The following BRWD3 variants were observed in gnomAD, a reference collection of about 807,000 sequenced individuals.
BRWD3 encodes bromodomain and WD repeat-containing protein 3.
Under a neutral mutation model 149.7 loss-of-function variants are expected in BRWD3, and 10 were observed. The ratio of observed to expected loss-of-function variants is 0.07; its 90% CI spans 0.04 to 0.11. The LOEUF (loss-of-function observed/expected upper bound fraction) is 0.11, where lower values mean the gene tolerates loss of function less well. Ranked by LOEUF, BRWD3 falls within the 10% of genes least tolerant of loss-of-function variation. The pLI, the probability that BRWD3 is intolerant of heterozygous loss-of-function variation, is 1.00. For synonymous variants in BRWD3, 504 were observed against 456.7 expected (o/e 1.10, Z -1.32); for missense variants, 940 against 1,373.2 (o/e 0.68, Z 4.99).
chrX:80,724,782 C>A, intron 15 of BRWD3, 151 bp downstream of exon 15: 1 of 671,460 alleles, frequency 1.5e-6, no homozygotes, highest in Non-Finnish European at 2.2e-6. Context: ...TGGCCTTATT[C>A]TCAATTCTTG....
intron 4 of BRWD3, 40 bp from the exon 5 acceptor site, chrX:80,793,812 T>C (rs2074208276): frequency 8.8e-7 from 1 of 1,135,092 alleles, no homozygotes; most frequent in Non-Finnish European, 1.2e-6. Flanking sequence ...AACACATTTA[T>C]TTGGTTTAAA....
Position 80,809,490 on chromosome X carries a change from T to G in BRWD3, c.-19A>C, listed in dbSNP as rs1408525885. The G allele has an allele frequency of 1.1e-6, 1 of 884,480 alleles. No individual in the cohort carries two copies. Among genetic ancestry groups the G allele is most frequent in the Non-Finnish European group, 1.5e-6 (1 of 665,639 alleles). The allele number at this position is 884,480 out of a possible 1,213,427, so 72.9% of individuals were successfully genotyped here. A position where few individuals can be genotyped will look rare whatever the true frequency, so the allele number is the denominator to read the frequency against. ...CCGCCATCCTTTTCCCGAGGGGGTT[T>G]GGGGGCTTCGCTCCGGAGGGGCTGG... On this transcript the variant is annotated 5_prime_UTR_variant, in exon 1 of 41. Coordinates refer to ENST00000373275, the MANE Select transcript of BRWD3 (RefSeq NM_153252.5).
At chrX:80,731,797 A>G (rs1356667271) in intron 12 of BRWD3, among the ~76,000 whole-genome samples, 1 of 102,521 alleles carries the variant, frequency 9.8e-6, no homozygotes, top group Non-Finnish European at 2.0e-5. Context: ...TGGGAGGCTG[A>G]GGCAGGAGAA....
intron 17 of BRWD3, among the ~76,000 whole-genome samples, chrX:80,721,907 C>G (rs772714389): frequency 8.9e-6 from 1 of 111,754 alleles, no homozygotes. Context: ...AGTGCAGTGG[C>G]GCAATCTTGG....
intron 6 of BRWD3, among the ~76,000 whole-genome samples, chrX:80,753,339 G>A (rs149847496): frequency 0.024 from 2,498 of 104,834 alleles, 63 homozygotes; most frequent in African/African-American, 0.084. Flanking sequence ...GTGTGATCTC[G>A]GCTCACTGCA....
chrX:80,726,920 T>C (rs2073258699), intron 14 of BRWD3, among the ~76,000 whole-genome samples: 1 of 110,621 alleles, frequency 9.0e-6, no homozygotes, highest in Non-Finnish European at 1.9e-5. Flanking sequence ...CTGAGGTTCC[T>C]AACCAGCAAA....
chrX:80,699,782 A>C (rs1046449952), intron 25 of BRWD3, among the ~76,000 whole-genome samples, 175 bp downstream of exon 25: 2 of 111,991 alleles, frequency 1.8e-5, no homozygotes, highest in Non-Finnish European at 3.8e-5. Context: ...AATTTTGAGA[A>C]ACGTATAAAA....
At chrX:80,743,764 G>T in intron 8 of BRWD3, 1 of 309,518 alleles carries the variant, frequency 3.2e-6, no homozygotes, top group South Asian at 7.5e-5. Flanking sequence ...GCATTTACAG[G>T]TTTTCTCCCT....
In BRWD3 at chrX:80,674,218, C is replaced by T. The variant is rs1409519302; in HGVS notation, c.*2391G>A. On this transcript the variant is annotated 3_prime_UTR_variant, in exon 41 of 41. Transcript: ENST00000373275. ...CTAATATTTTCACAGTATTTCACTA[C>T]ATATAAAATATGCTTTAAAATGTCT... The T allele has an allele frequency of 9.0e-6, 1 of 111,719 alleles. No individual in the cohort carries two copies. The highest frequency in any genetic ancestry group is 3.2e-5 in the African/African-American group (1 of 30,823). 9.2% of individuals were successfully genotyped at this position (111,719 alleles called of 1,213,427 possible).
Position 80,671,933 on chromosome X carries a change from C to T in BRWD3, c.*4676G>A, listed in dbSNP as rs778718534. 8.9e-6 allele frequency: 1 copy of T among 112,095 alleles called. No homozygotes were observed. Among genetic ancestry groups the T allele is most frequent in the Non-Finnish European group, 1.9e-5 (1 of 53,152 alleles). 9.2% of individuals were successfully genotyped at this position (112,095 alleles called of 1,213,427 possible). ...TAAGAATTAACATTTGTAGTACTGC[C>T]TAATGTGTATCTGGTGACATATGCA... is the stretch of plus-strand genomic sequence containing the variant. On this transcript the variant is annotated 3_prime_UTR_variant, in exon 41 of 41. Transcript: ENST00000373275.
chrX:80,688,542 T>C (rs1366733870), intron 33 of BRWD3, among the ~76,000 whole-genome samples: 3 of 111,332 alleles, frequency 2.7e-5, no homozygotes, highest in Admixed American at 1.9e-4. Context: ...TATTTTCCTA[T>C]AGAAAAGAGA....
chrX:80,699,592 T>C (rs953672843), intron 25 of BRWD3, among the ~76,000 whole-genome samples: 1 of 111,977 alleles, frequency 8.9e-6, no homozygotes, highest in East Asian at 2.8e-4. Flanking sequence ...TTGTGATTTA[T>C]CATATTTAAA....
At chrX:80,678,054 G>T (rs1349664327) in intron 40 of BRWD3, among the ~76,000 whole-genome samples, 1 of 111,236 alleles carries the variant, frequency 9.0e-6, no homozygotes, top group African/African-American at 3.3e-5. Context: ...GTTTTAAGCT[G>T]GAGAAAGAAT....
Position 80,724,959 on chromosome X carries a change from T to C in BRWD3, c.1495A>G (p.Thr499Ala). The change falls in exon 15 of 41, where the codon ACC (threonine) becomes GCC (alanine). Residue 499 changes from threonine to alanine, a missense_variant. Coordinates refer to ENST00000373275, the MANE Select transcript of BRWD3 (RefSeq NM_153252.5). ...NIFIWDLDRG[T>A]KIRNYFNMIE... The stretch of plus-strand genomic sequence containing the variant: ...ATGTTAAAGTAATTCCGAATTTTGG[T>C]CCCCCGGTCAAGGTCCCAAATAAAA... The C allele has an allele frequency of 8.3e-7, 1 of 1,210,176 alleles. No individual in the cohort carries two copies. Among genetic ancestry groups the C allele is most frequent in the Non-Finnish European group, 1.1e-6 (1 of 894,557 alleles).
In BRWD3 at chrX:80,777,551, C is replaced by T. The variant is rs1046711722; in HGVS notation, c.430+14303G>A. On this transcript the variant is annotated intron_variant, in intron 6 of 40. Transcript: ENST00000373275. ...GGGACTATAGGCACACAGCACCACA[C>T]CTGGCTAATTTTTTATTGTTTAATT... Among the ~76,000 whole-genome samples the T allele has an allele frequency of 1.0e-4, 11 of 110,241 alleles. No individual in the cohort carries two copies. The East Asian group carries it at 2.6e-3, about 26-fold the overall frequency.
At chrX:80,708,162 A>G (rs1431191201) in intron 21 of BRWD3, among the ~76,000 whole-genome samples, 3 of 111,723 alleles carry the variant, frequency 2.7e-5, no homozygotes, top group Non-Finnish European at 5.6e-5. Context: ...TTGGAAGGCC[A>G]AGGCAGGCAG....
chrX:80,746,316 T>G (rs981701909), intron 6 of BRWD3, among the ~76,000 whole-genome samples: 2 of 111,169 alleles, frequency 1.8e-5, no homozygotes, highest in African/African-American at 6.5e-5. Flanking sequence ...TTTCTGAATT[T>G]AGAGGCTCTC....
chrX:80,774,212 C>T (rs965806832), intron 6 of BRWD3, among the ~76,000 whole-genome samples: 3 of 110,699 alleles, frequency 2.7e-5, no homozygotes, highest in Middle Eastern at 4.7e-3. Context: ...TATCCTGACC[C>T]ACCTTTATTG....
At chrX:80,803,080 C>A (rs1243860574) in intron 4 of BRWD3, among the ~76,000 whole-genome samples, 1 of 92,160 alleles carries the variant, frequency 1.1e-5, no homozygotes, top group South Asian at 6.8e-4. Flanking sequence ...CCAGCCTGGG[C>A]GACAGCGCAA....
Sources: gnomAD v4.1 joint callset for allele counts (sites outside exome capture counted in the v4.1 genomes callset) on GRCh38, gnomAD v4.1.1 for gene constraint, MANE v1.5 for transcripts, NCBI Gene and HGNC (gene_info 2026-07-23, HGNC 2026-07-21) for gene names.